Variants in ADGRF5 observed in about 807,000 individuals in gnomAD.
The protein encoded by ADGRF5 is adhesion G protein-coupled receptor F5.
Under a neutral mutation model 132.3 loss-of-function variants are expected in ADGRF5, and 75 were observed. The observed-to-expected ratio is 0.57, with a 90% confidence interval of 0.47 to 0.69. The LOEUF is 0.69. ADGRF5 is among the 30% of genes least tolerant of loss of function. ADGRF5 has a pLI of 0.00. For synonymous variants in ADGRF5, 629 were observed against 597.6 expected (o/e 1.05, Z -0.77); for missense variants, 1,516 against 1,630.6 (o/e 0.93, Z 1.21).
intron 1 of ADGRF5, among the ~76,000 whole-genome samples, chr6:46,928,011 T>C (rs1777342088): frequency 6.6e-6 from 1 of 152,218 alleles, no homozygotes; most frequent in Non-Finnish European, 1.5e-5. Context: ...TGCTTCAATT[T>C]GATTCTTACC....
intron 1 of ADGRF5, among the ~76,000 whole-genome samples, chr6:46,937,249 T>TGTGTGTGTGTGTGTGTGTGTGA (rs1273913404): frequency 6.6e-6 from 1 of 151,522 alleles, no homozygotes; most frequent in African/African-American, 2.4e-5. Context: ...TGTGTGTGTG[T>TGTGTGTGTGTGTGTGTGTGTGA]GTGAGTGTGT....
At chr6:46,931,657 G>A (rs1328488057) in intron 1 of ADGRF5, among the ~76,000 whole-genome samples, 1 of 152,196 alleles carries the variant, frequency 6.6e-6, no homozygotes, top group Non-Finnish European at 1.5e-5. Flanking sequence ...TTTCACCTGT[G>A]CTTTCTCCCA....
Position 46,858,622 on chromosome 6 carries a change from T to G in ADGRF5, c.3281A>C (p.His1094Pro). The part of the protein sequence containing the change: ...TACVAATFFI[H>P]FFYLSVFFWM... ...GAAGAAGACGCTGAGGTAGAAGAAG[T>G]GGATGAAGAAGGTGGCAGCCACACA... The change falls in exon 17 of 21, where the codon CAC becomes CCC. Residue 1094 changes from histidine (H) to proline (P), a missense_variant. His to Pro is a moderately conservative substitution (Grantham distance 77). Around this residue, in one of 2 missense-constraint regions of ADGRF5, gnomAD observed 571 missense variants for 701.2 expected, o/e 0.81. Transcript: ENST00000283296. 6.2e-7 allele frequency: 1 copy of G among 1,613,794 alleles called. No individual in the cohort carries two copies. Among genetic ancestry groups the G allele is most frequent in the Non-Finnish European group, 8.5e-7 (1 of 1,179,946 alleles).
At chr6:46,899,351 G>A (rs1419491952) in intron 3 of ADGRF5, among the ~76,000 whole-genome samples, 2 of 152,096 alleles carry the variant, frequency 1.3e-5, no homozygotes, top group Non-Finnish European at 2.9e-5. Flanking sequence ...GGGGGCAAAT[G>A]ACAGGATCCG....
At chr6:46,914,223 A>C (rs1776231078) in intron 1 of ADGRF5, among the ~76,000 whole-genome samples, 1 of 152,244 alleles carries the variant, frequency 6.6e-6, no homozygotes, top group Non-Finnish European at 1.5e-5. Context: ...GAATGCCATC[A>C]GCAACCTACT....
At chr6:46,929,738 G>T (rs2150934184) in intron 1 of ADGRF5, among the ~76,000 whole-genome samples, 1 of 152,106 alleles carries the variant, frequency 6.6e-6, no homozygotes, top group African/African-American at 2.4e-5. Context: ...ATGACTTAGA[G>T]CAAGAAATGG....
In ADGRF5 at chr6:46,898,711, T is replaced by A. The variant is rs185696740; in HGVS notation, c.157+1318A>T. ...ACCGTGAAAGGCTTGAACAGATGCC[T>A]CCACTCTGATCTTAGGGTAAGCCTG... On this transcript the variant is annotated intron_variant, in intron 3 of 20. Transcript: ENST00000283296. 5.8e-3 allele frequency among the ~76,000 whole-genome samples: 876 copies of A among 152,294 alleles called. 6 individuals are homozygous for A. Among genetic ancestry groups the A allele is most frequent in the Non-Finnish European group, 6.0e-3 (411 of 68,014 alleles).
At chr6:46,944,737 G>C (rs1299982321) in intron 1 of ADGRF5, among the ~76,000 whole-genome samples, 1 of 152,040 alleles carries the variant, frequency 6.6e-6, no homozygotes, top group Non-Finnish European at 1.5e-5. Flanking sequence ...ATTTTTAAAA[G>C]GATGAGATCT....
chr6:46,949,722 T>C (rs1233856075), intron 1 of ADGRF5, among the ~76,000 whole-genome samples: 1 of 152,242 alleles, frequency 6.6e-6, no homozygotes, highest in Non-Finnish European at 1.5e-5. Context: ...GGGCCAAAGC[T>C]CTGAGTCTTG....
chr6:46,894,133 T>C (rs1032553764), intron 3 of ADGRF5, among the ~76,000 whole-genome samples: 1 of 152,200 alleles, frequency 6.6e-6, no homozygotes, highest in East Asian at 1.9e-4. Flanking sequence ...AATTTTACCA[T>C]TGATGGTTTG....
In ADGRF5 at chr6:46,879,860, C is replaced by T. The variant is rs1184430100; in HGVS notation, c.994G>A (p.Val332Met). The T allele has an allele frequency of 1.9e-6, 3 of 1,614,112 alleles. No homozygotes were observed. The highest frequency in any genetic ancestry group is 2.5e-6 in the Non-Finnish European group (3 of 1,179,962). Residue 332 changes from valine (V) to methionine (M), a missense_variant, in exon 9 of 21, where the codon GTG (valine) becomes ATG (methionine). Physicochemically the swap from Val to Met is conservative, Grantham distance 21. Coordinates refer to ENST00000283296, the MANE Select transcript of ADGRF5 (RefSeq NM_001098518.2). The part of the protein sequence containing the change: ...YTALFNNMTS[V>M]SKLTIHNITP... Reference sequence around the variant, plus strand: ...ATGTTGTGGATGGTGAGCTTGGACACCGAAGTCATGTTGTTGAAAAGTGCG... The same window carrying T: ...ATGTTGTGGATGGTGAGCTTGGACATCGAAGTCATGTTGTTGAAAAGTGCG...
chr6:46,860,276 T>C (rs191514362), intron 16 of ADGRF5, among the ~76,000 whole-genome samples: 1 of 152,298 alleles, frequency 6.6e-6, no homozygotes, highest in Admixed American at 6.5e-5. Flanking sequence ...TTTACCTCTG[T>C]AGGTATCCCT....
chr6:46,855,733 C>A (rs1249629290), intron 20 of ADGRF5, among the ~76,000 whole-genome samples: 1 of 152,192 alleles, frequency 6.6e-6, no homozygotes, highest in African/African-American at 2.4e-5. Context: ...AAATCATTGT[C>A]TAGATTCTCC....
intron 1 of ADGRF5, among the ~76,000 whole-genome samples, chr6:46,949,989 G>C (rs1209742483): frequency 1.3e-5 from 2 of 152,172 alleles, no homozygotes; most frequent in Non-Finnish European, 2.9e-5. Flanking sequence ...GGGCTAGCTG[G>C]TGAAAAGTCA....
intron 1 of ADGRF5, among the ~76,000 whole-genome samples, chr6:46,949,397 C>A (rs1778414135): frequency 6.6e-6 from 1 of 152,184 alleles, no homozygotes; most frequent in Non-Finnish European, 1.5e-5. Flanking sequence ...TGTATAGGGT[C>A]TACCTAAGCC....
chr6:46,930,041 G>A (rs560764751), intron 1 of ADGRF5, among the ~76,000 whole-genome samples: 31 of 151,850 alleles, frequency 2.0e-4, no homozygotes, highest in African/African-American at 6.8e-4. Flanking sequence ...GGCTGGTCTC[G>A]AACTCCTGAC....
At chr6:46,885,949 G>C (rs1323263260) in intron 4 of ADGRF5, among the ~76,000 whole-genome samples, 1 of 152,142 alleles carries the variant, frequency 6.6e-6, no homozygotes, top group African/African-American at 2.4e-5. Flanking sequence ...ATGATGCTAG[G>C]TTTTAGACTC....
At chr6:46,897,265 T>C (rs981376797) in intron 3 of ADGRF5, among the ~76,000 whole-genome samples, 2 of 151,930 alleles carry the variant, frequency 1.3e-5, no homozygotes, top group African/African-American at 2.4e-5. Flanking sequence ...ATATAAGTAT[T>C]GATCCTATCT....
Position 46,878,412 on chromosome 6 carries a change from A to T in ADGRF5, c.1037-7T>A. ...AGTTTGCAAACATATTCACCTGCAT[A>T]AAATACACAAAATCATGTATTATTA... is the stretch of plus-strand genomic sequence containing the variant. On this transcript the variant is annotated splice_region_variant and splice_polypyrimidine_tract_variant and intron_variant, in intron 9 of 20. Transcript: ENST00000283296. The T allele has an allele frequency of 6.7e-7, 1 of 1,493,146 alleles. No individual in the cohort carries two copies. Among genetic ancestry groups the T allele is most frequent in the Non-Finnish European group, 9.3e-7 (1 of 1,072,240 alleles). 92.5% of individuals were successfully genotyped at this position (1,493,146 alleles called of 1,614,324 possible).
Sources: allele counts gnomAD v4.1 joint callset (sites outside exome capture counted in the v4.1 genomes callset), GRCh38; gene constraint gnomAD v4.1.1; regional missense constraint gnomAD v4.1.1; transcripts MANE v1.5; gene names NCBI Gene and HGNC (gene_info 2026-07-23, HGNC 2026-07-21).